Variants in COG3 observed in about 807,000 individuals in gnomAD.
COG3 encodes component of oligomeric golgi complex 3.
COG3 carries 32 observed loss-of-function variants against 114.1 expected under a neutral mutation model. That is an observed-to-expected ratio of 0.28 (90% CI 0.21 to 0.38). COG3 has a LOEUF of 0.38. Among genes scored for constraint, COG3 ranks in the 10% least tolerant of loss-of-function variants. The probability of loss-of-function intolerance (pLI) is 1.00; values close to 1 mark genes in which losing one functional copy is unlikely to be tolerated. For synonymous variants in COG3, 352 were observed against 365.7 expected (o/e 0.96, Z 0.43); for missense variants, 813 against 973.2 (o/e 0.84, Z 2.19).
intron 8 of COG3, among the ~76,000 whole-genome samples, chr13:45,490,703 A>G (rs2137827069): frequency 6.6e-6 from 1 of 151,638 alleles, no homozygotes; most frequent in South Asian, 2.1e-4. Flanking sequence ...TTTTACTTAA[A>G]AAGAAAAATA....
intron 15 of COG3, among the ~76,000 whole-genome samples, chr13:45,510,397 G>C (rs1870728913): frequency 6.6e-6 from 1 of 152,202 alleles, no homozygotes. Flanking sequence ...TACAGACTTA[G>C]ATGTCTCAGC....
At chr13:45,474,151 CTTTTTTTT>C (rs10558884) in intron 1 of COG3, among the ~76,000 whole-genome samples, 12 of 81,986 alleles carry the variant, frequency 1.5e-4, no homozygotes, top group Non-Finnish European at 2.1e-4. Flanking sequence ...CTTTTTTACT[CTTTTTTTT>C]TTTTTTTTTT....
At position 45,534,898 on chromosome 13, in the gene COG3, G is replaced by T; in HGVS notation, c.*167G>T. 2.4e-6 allele frequency: 3 copies of T among 1,260,014 alleles called. No homozygotes were observed. The highest frequency in any genetic ancestry group is 3.0e-6 in the Non-Finnish European group (3 of 1,004,082). The allele number at this position is 1,260,014 out of a possible 1,614,324, so 78.1% of individuals were successfully genotyped here. ...AATGAAATAGAAGCAAAGTGTTACA[G>T]GATCAGTGTTTTCTTTTCTAAAACA... On this transcript the variant is annotated 3_prime_UTR_variant, in exon 23 of 23. Transcript: ENST00000349995.
intron 16 of COG3, among the ~76,000 whole-genome samples, chr13:45,514,049 T>C (rs79013247): frequency 1.6e-3 from 237 of 152,238 alleles, no homozygotes; most frequent in African/African-American, 5.3e-3. Context: ...ATACATCTCT[T>C]TATTTTCTAC....
At chr13:45,478,196 CTT>C (rs61454845) in intron 2 of COG3, among the ~76,000 whole-genome samples, 117 of 139,472 alleles carry the variant, frequency 8.4e-4, no homozygotes, top group Non-Finnish European at 1.0e-3. Context: ...CTGAAATGGC[CTT>C]TTTTTTTTTT....
intron 8 of COG3, 44 bp from the exon 9 acceptor site, chr13:45,490,871 T>G (rs1886976474): frequency 8.7e-7 from 1 of 1,155,068 alleles, no homozygotes; most frequent in Admixed American, 1.9e-5. Flanking sequence ...TAATGGATAA[T>G]ATAACAGAGA....
In COG3 at chr13:45,509,738, A is replaced by C. The variant is rs764235616; in HGVS notation, c.1641A>C (p.Pro547=). The change falls in exon 15 of 23, where the codon CCA becomes CCC. Residue 547 remains proline, a synonymous_variant. Transcript: ENST00000349995. ...LNPRPQTTIS[P]ADLHGMWYPT... ...CTAGACCACAGACCACAATTTCTCC[A>C]GCAGATCTTCATGGAATGTGGTATC... is the stretch of plus-strand genomic sequence containing the variant. 2 of 1,614,162 alleles carry C rather than the reference A, an allele frequency of 1.2e-6. No homozygotes were observed.
At chr13:45,521,200 A>G (rs1872097450) in intron 19 of COG3, among the ~76,000 whole-genome samples, 1 of 152,184 alleles carries the variant, frequency 6.6e-6, no homozygotes, top group South Asian at 2.1e-4. Flanking sequence ...TGTAGAAAAT[A>G]TTCCAAGTCT....
intron 12 of COG3, chr13:45,493,763 G>A (rs1004358068): frequency 4.8e-6 from 1 of 207,904 alleles, no homozygotes; most frequent in South Asian, 1.3e-4. Context: ...AGAACACATC[G>A]TTACTTTTGG....
At position 45,509,420 on chromosome 13, in the gene COG3, G is replaced by A. The variant is rs1593728513; in HGVS notation, c.1595-272G>A. On this transcript the variant is annotated intron_variant, in intron 14 of 22. Transcript: ENST00000349995. Reference sequence around the variant, plus strand: ...CCATAAAGATTATTGATCACAATTTGGGAAAAGCAACTTGGGTTGAGCATA... The same window carrying A: ...CCATAAAGATTATTGATCACAATTTAGGAAAAGCAACTTGGGTTGAGCATA... Among the ~76,000 whole-genome samples the A allele has an allele frequency of 5.3e-5, 8 of 152,266 alleles. 2 individuals carry two copies. The highest frequency in any genetic ancestry group is 5.2e-4 in the Admixed American group (8 of 15,296).
rs1186651329 is a variant in COG3 at position 45,536,515 on chromosome 13, AC to A, written c.*1785del. The A allele has an allele frequency of 1.3e-5, 2 of 152,238 alleles. No individual in the cohort carries two copies. Among genetic ancestry groups the A allele is most frequent in the African/African-American group, 4.8e-5 (2 of 41,462 alleles). 9.4% of individuals were successfully genotyped at this position (152,238 alleles called of 1,614,324 possible). On this transcript the variant is annotated 3_prime_UTR_variant, in exon 23 of 23. Coordinates refer to ENST00000349995, the MANE Select transcript of COG3 (RefSeq NM_031431.4). The stretch of plus-strand genomic sequence containing the variant: ...TGTACAGTTTTAAGTGTTCACTTAT[AC>A]AAAGAGTGTATATACTTTCAAATAA...
In COG3 at chr13:45,508,439, T is replaced by C. The variant is rs539002736; in HGVS notation, c.1595-1253T>C. 3.3e-3 allele frequency among the ~76,000 whole-genome samples: 493 copies of C among 149,108 alleles called. 2 individuals are homozygous for C. The highest frequency in any genetic ancestry group is 9.9e-3 in the African/African-American group (403 of 40,778). On this transcript the variant is annotated intron_variant, in intron 14 of 22. Transcript: ENST00000349995. The stretch of plus-strand genomic sequence containing the variant: ...ACACACACACACATACACATATATA[T>C]ACATATATGTGTATGTGTGTATTTG...
intron 20 of COG3, among the ~76,000 whole-genome samples, chr13:45,525,338 C>G (rs1317900442): frequency 2.0e-5 from 3 of 152,040 alleles, no homozygotes; most frequent in African/African-American, 4.8e-5. Context: ...TTTCTGTACA[C>G]CCACTATTCA....
intron 7 of COG3, among the ~76,000 whole-genome samples, chr13:45,484,069 C>T (rs1245728437): frequency 6.6e-6 from 1 of 152,082 alleles, no homozygotes; most frequent in Non-Finnish European, 1.5e-5. Context: ...TGAAAATATT[C>T]CTTTCCTAAG....
chr13:45,532,679 C>T (rs1873271076), intron 22 of COG3, among the ~76,000 whole-genome samples: 1 of 149,864 alleles, frequency 6.7e-6, no homozygotes, highest in South Asian at 2.1e-4. Context: ...ATGCCATTCT[C>T]CTGCCTCAGC....
chr13:45,524,283 C>T (rs1347989926), intron 19 of COG3, among the ~76,000 whole-genome samples: 2 of 152,198 alleles, frequency 1.3e-5, no homozygotes, highest in Non-Finnish European at 2.9e-5. Flanking sequence ...GTTTCTCTCT[C>T]TTACCCTCCC....
Position 45,500,040 on chromosome 13 carries a change from A to ATG in COG3, c.1489-3179_1489-3178dup, listed in dbSNP as rs1273258218. Among the ~76,000 whole-genome samples, 664 of 136,876 alleles carry ATG rather than the reference A, an allele frequency of 4.9e-3. 5 individuals carry two copies. The highest frequency in any genetic ancestry group is 6.9e-3 in the Middle Eastern group (2 of 288). The allele number at this position is 136,876 out of a possible 152,430, so 89.8% of individuals were successfully genotyped here. A position where few individuals can be genotyped will look rare whatever the true frequency, so the allele number is the denominator to read the frequency against. ...CTTAAAAAAAAATATATATATATGT[A>ATG]TGTGTGTGTGTGTGTGTGTGTGTGT... On this transcript the variant is annotated intron_variant, in intron 13 of 22. Coordinates refer to ENST00000349995, the MANE Select transcript of COG3 (RefSeq NM_031431.4).
chr13:45,509,645 A>G (rs757876813), intron 14 of COG3, 47 bp from the exon 15 acceptor site: 5 of 1,600,610 alleles, frequency 3.1e-6, no homozygotes, highest in Non-Finnish European at 4.3e-6. Flanking sequence ...TTGTAAGACA[A>G]ATATCCACAT....
At chr13:45,528,979 G>T (rs1357320560) in intron 20 of COG3, among the ~76,000 whole-genome samples, 1 of 152,162 alleles carries the variant, frequency 6.6e-6, no homozygotes, top group Non-Finnish European at 1.5e-5. Flanking sequence ...TTTTTCCAAA[G>T]AGATGAACCA....
Sources: allele counts gnomAD v4.1 joint callset (sites outside exome capture counted in the v4.1 genomes callset), GRCh38; gene constraint gnomAD v4.1.1; transcripts MANE v1.5; gene names NCBI Gene and HGNC (gene_info 2026-07-23, HGNC 2026-07-21).